Variants in ABCA5 observed in about 807,000 individuals in gnomAD.
The protein encoded by ABCA5 is ATP binding cassette subfamily A member 5.
In ABCA5, 163 loss-of-function variants were observed where a neutral mutation model predicts 206.0. That is an observed-to-expected ratio of 0.79 (90% CI 0.70 to 0.90). The LOEUF (loss-of-function observed/expected upper bound fraction) is 0.90, where lower values mean the gene tolerates loss of function less well. Ranked by LOEUF, ABCA5 falls within the 40% of genes least tolerant of loss-of-function variation. The pLI, the probability that ABCA5 is intolerant of heterozygous loss-of-function variation, is 0.00. For missense variants in ABCA5, 1,859 were observed against 1,912.9 expected, an observed-to-expected ratio of 0.97 and a Z score of 0.53; for synonymous variants, 609 against 613.8, an observed-to-expected ratio of 0.99 and a Z score of 0.11.
chr17:69,291,225 G>A lies in ABCA5; in HGVS notation c.1597C>T (p.Pro533Ser). The A allele has an allele frequency of 1.3e-6, 2 of 1,587,062 alleles. No individual in the cohort carries two copies. The highest frequency in any genetic ancestry group is 1.7e-6 in the Non-Finnish European group (2 of 1,164,734). Residue 533 changes from proline (P) to serine (S), a missense_variant, in exon 12 of 39, where the codon CCT becomes TCT. Pro to Ser is a moderately conservative substitution (Grantham distance 74, BLOSUM62 -1). Coordinates refer to ENST00000392676, the MANE Select transcript of ABCA5 (RefSeq NM_172232.4). Reference protein sequence around the residue: ...LMNILCGLCPPSDGFASIYGH... With the variant: ...LMNILCGLCPSSDGFASIYGH... ...AAGACAGAAAACTCACCATCAGAAG[G>A]TGGGCAGAGTCCACAAAGAATATTC...
intron 1 of ABCA5, among the ~76,000 whole-genome samples, chr17:69,316,162 G>GA (rs1224989863): frequency 5.9e-5 from 9 of 152,118 alleles, no homozygotes; most frequent in Non-Finnish European, 1.3e-4. Context: ...ACAACAGAGA[G>GA]AAAAAAGATT....
At chr17:69,302,548 A>G (rs2075662904) in intron 8 of ABCA5, among the ~76,000 whole-genome samples, 170 bp downstream of exon 8, 1 of 152,244 alleles carries the variant, frequency 6.6e-6, no homozygotes, top group South Asian at 2.1e-4. Flanking sequence ...AAATTGGACA[A>G]ACATAAATAA....
chr17:69,310,253 C>T (rs1423969333), intron 3 of ABCA5, among the ~76,000 whole-genome samples: 3 of 152,088 alleles, frequency 2.0e-5, no homozygotes, highest in Non-Finnish European at 4.4e-5. Context: ...CCCACCTCAG[C>T]TTCTGGAGTA....
intron 34 of ABCA5, among the ~76,000 whole-genome samples, chr17:69,252,945 A>C (rs1201866179): frequency 6.6e-6 from 1 of 152,050 alleles, no homozygotes; most frequent in Non-Finnish European, 1.5e-5. Flanking sequence ...ATTCCATAAG[A>C]TTATAATACT....
intron 34 of ABCA5, 22 bp from the exon 35 acceptor site, chr17:69,251,888 A>G: frequency 6.2e-7 from 1 of 1,607,942 alleles, no homozygotes; most frequent in Non-Finnish European, 8.5e-7. Flanking sequence ...AAATAAAACA[A>G]AAAGAGAGGA....
intron 9 of ABCA5, among the ~76,000 whole-genome samples, chr17:69,297,965 G>C (rs1244551185): frequency 6.6e-6 from 1 of 152,116 alleles, no homozygotes; most frequent in African/African-American, 2.4e-5. Flanking sequence ...CTGGCATATT[G>C]CTTGAGCCCA....
At chr17:69,310,838 T>C (rs1333571507) in intron 3 of ABCA5, among the ~76,000 whole-genome samples, 2 of 152,210 alleles carry the variant, frequency 1.3e-5, no homozygotes, top group Non-Finnish European at 2.9e-5. Flanking sequence ...TCATCTACAA[T>C]GCCTAGCTGA....
At chr17:69,283,000 T>G (rs1371840330) in intron 18 of ABCA5, among the ~76,000 whole-genome samples, 1 of 148,106 alleles carries the variant, frequency 6.8e-6, no homozygotes, top group African/African-American at 2.5e-5. Flanking sequence ...TTTTTTTTTT[T>G]TTTTTAAACA....
intron 23 of ABCA5, among the ~76,000 whole-genome samples, 156 bp downstream of exon 23, chr17:69,267,787 T>C (rs2075227153): frequency 6.6e-6 from 1 of 152,176 alleles, no homozygotes; most frequent in Admixed American, 6.5e-5. Context: ...ATATTAATTA[T>C]CACTTATTAC....
chr17:69,287,611 A>T lies in ABCA5; in HGVS notation c.2041+2T>A. 6.2e-7 allele frequency: 1 copy of T among 1,607,590 alleles called. No homozygotes were observed. Among genetic ancestry groups the T allele is most frequent in the South Asian group, 1.1e-5 (1 of 89,926 alleles). Reference sequence around the variant, plus strand: ...CCTTCGAAAATAAAACAAAAATCTCACCTGCAAGAATGTCAGCTTCATCCA... The same window carrying T: ...CCTTCGAAAATAAAACAAAAATCTCTCCTGCAAGAATGTCAGCTTCATCCA... On this transcript the variant is annotated splice_donor_variant, in intron 15 of 38. Coordinates refer to ENST00000392676, the MANE Select transcript of ABCA5 (RefSeq NM_172232.4). LOFTEE classifies it high-confidence loss of function.
chr17:69,315,237 AACAG>A (rs1181242523), intron 1 of ABCA5: 3 of 152,260 alleles, frequency 2.0e-5, no homozygotes, highest in Admixed American at 6.5e-5. Flanking sequence ...AAACTGAACT[AACAG>A]ACAGACCACT....
At chr17:69,298,803 C>T (rs769010411) in intron 9 of ABCA5, among the ~76,000 whole-genome samples, 7 of 152,006 alleles carry the variant, frequency 4.6e-5, no homozygotes, top group Non-Finnish European at 1.0e-4. Flanking sequence ...AAAGCAAATG[C>T]AACAAAAACA....
At chr17:69,318,766 T>C (rs1241675179) in intron 1 of ABCA5, 10 of 671,320 alleles carry the variant, frequency 1.5e-5, no homozygotes, top group African/African-American at 5.3e-5. Flanking sequence ...GTTGAAAAAA[T>C]TGATGGACAA....
chr17:69,315,727 G>C (rs2075810159), intron 1 of ABCA5, among the ~76,000 whole-genome samples: 1 of 149,100 alleles, frequency 6.7e-6, no homozygotes, highest in Non-Finnish European at 1.5e-5. Context: ...AGGTTGCAGT[G>C]AGCCAAGATT....
intron 11 of ABCA5, among the ~76,000 whole-genome samples, chr17:69,291,843 T>C (rs2075529469): frequency 6.6e-6 from 1 of 152,140 alleles, no homozygotes; most frequent in Admixed American, 6.5e-5. Context: ...CCAGGCACAG[T>C]GGCTCGTGCC....
intron 19 of ABCA5, among the ~76,000 whole-genome samples, chr17:69,276,096 C>CG (rs1169116617): frequency 2.3e-3 from 81 of 34,584 alleles, no homozygotes; most frequent in African/African-American, 5.7e-3. Flanking sequence ...TTTGGGGGGG[C>CG]GGGGGGGCAG....
rs2074930275 is a variant in ABCA5 at position 69,244,595 on chromosome 17, C to A, written c.*2942G>T. 6.6e-6 allele frequency: 1 copy of A among 151,398 alleles called. No individual in the cohort carries two copies. Among genetic ancestry groups the A allele is most frequent in the African/African-American group, 2.4e-5 (1 of 41,330 alleles). The allele number at this position is 151,398 out of a possible 1,614,324, so 9.4% of individuals were successfully genotyped here. A position where few individuals can be genotyped will look rare whatever the true frequency, so the allele number is the denominator to read the frequency against. On this transcript the variant is annotated 3_prime_UTR_variant, in exon 39 of 39. Transcript: ENST00000392676. ...AAATTCTTTCATTTTAGGAAATAAG[C>A]TATTTCAGGAAAGAAAATAAAAAAT...
chr17:69,256,481 T>G (rs2075083213), intron 28 of ABCA5, among the ~76,000 whole-genome samples, 198 bp from the exon 29 acceptor site: 1 of 149,798 alleles, frequency 6.7e-6, no homozygotes, highest in South Asian at 2.1e-4. Context: ...TAAGACAGGG[T>G]CTCACACTCT....
chr17:69,259,339 A>G (rs2075120071), intron 28 of ABCA5, among the ~76,000 whole-genome samples: 1 of 152,090 alleles, frequency 6.6e-6, no homozygotes, highest in South Asian at 2.1e-4. Flanking sequence ...GTTATCTGGC[A>G]AATCTGATGA....
Sources: allele counts gnomAD v4.1 joint callset (sites outside exome capture counted in the v4.1 genomes callset), GRCh38; gene constraint gnomAD v4.1.1; transcripts MANE v1.5; gene names NCBI Gene and HGNC (gene_info 2026-07-23, HGNC 2026-07-21).